Variants in LRFN5 observed in about 807,000 individuals in gnomAD.
LRFN5 encodes the protein leucine-rich repeat and fibronectin type-III domain-containing protein 5.
LRFN5 carries 24 observed loss-of-function variants against 45.6 expected under a neutral mutation model. The ratio of observed to expected loss-of-function variants is 0.53; its 90% confidence interval spans 0.38 to 0.74. The LOEUF is 0.74. Ranked by LOEUF, LRFN5 falls within the 30% of genes least tolerant of loss-of-function variation. The pLI is 0.00. For synonymous variants in LRFN5, 340 were observed against 313.8 expected (o/e 1.08, Z -0.88); for missense variants, 776 against 861.5 (o/e 0.90, Z 1.24).
chr14:41,620,858 G>A (rs1313727150), intron 1 of LRFN5, among the ~76,000 whole-genome samples: 5 of 151,646 alleles, frequency 3.3e-5, no homozygotes, highest in Non-Finnish European at 7.4e-5. Flanking sequence ...AACAAAGGAA[G>A]CAGATTCAAG....
rs80019381 is a variant in LRFN5, at chr14:41,769,716, G to A, written c.-21+2687G>A. On this transcript the variant is annotated intron_variant, in intron 2 of 5. Transcript: ENST00000298119. The stretch of plus-strand genomic sequence containing the variant: ...AAATCAACTCCCTTATATTTAAAGT[G>A]TGTAAATTATCACCTTTTATGACAT... 3.0e-3 allele frequency among the ~76,000 whole-genome samples: 451 copies of A among 152,186 alleles called. 3 individuals carry two copies. Among genetic ancestry groups the A allele is most frequent in the African/African-American group, 0.01 (429 of 41,522 alleles).
At chr14:41,885,339 A>G (rs1249402324) in intron 2 of LRFN5, among the ~76,000 whole-genome samples, 1 of 149,654 alleles carries the variant, frequency 6.7e-6, no homozygotes, top group Admixed American at 6.7e-5. Context: ...AAAAAAAAAA[A>G]GAAAGAAAGA....
At chr14:41,875,619 A>G (rs2031271) in intron 2 of LRFN5, among the ~76,000 whole-genome samples, 3 of 152,198 alleles carry the variant, frequency 2.0e-5, no homozygotes, top group African/African-American at 7.2e-5. Context: ...TTAAAAGAAA[A>G]CTTAGCATTC....
intron 2 of LRFN5, among the ~76,000 whole-genome samples, chr14:41,827,473 T>TTTA (rs1246441297): frequency 6.6e-6 from 1 of 152,034 alleles, no homozygotes; most frequent in Non-Finnish European, 1.5e-5. Flanking sequence ...AGTATATATT[T>TTTA]TTATTTGCTA....
intron 1 of LRFN5, among the ~76,000 whole-genome samples, chr14:41,730,684 TTC>T (rs1434757329): frequency 6.6e-6 from 1 of 152,018 alleles, no homozygotes; most frequent in Non-Finnish European, 1.5e-5. Context: ...GTAATGATTT[TTC>T]TGTTTTAGAG....
intron 1 of LRFN5, among the ~76,000 whole-genome samples, chr14:41,664,912 C>G (rs1365254573): frequency 2.0e-5 from 3 of 151,944 alleles, no homozygotes; most frequent in African/African-American, 4.8e-5. Context: ...GTAATTCTAT[C>G]CACAGGATAA....
intron 4 of LRFN5, chr14:41,892,750 A>G: frequency 1.0e-6 from 1 of 985,254 alleles, no homozygotes; most frequent in Admixed American, 6.1e-5. Flanking sequence ...TCTATGATAC[A>G]CCTTTTTCAG....
intron 2 of LRFN5, among the ~76,000 whole-genome samples, chr14:41,875,607 A>G (rs60703033): frequency 0.015 from 2,307 of 152,310 alleles, 57 homozygotes; most frequent in African/African-American, 0.052. Flanking sequence ...GAATTTATAC[A>G]CTTAAAAGAA....
At chr14:41,626,445 C>G (rs572132148) in intron 1 of LRFN5, among the ~76,000 whole-genome samples, 2 of 152,078 alleles carry the variant, frequency 1.3e-5, no homozygotes, top group Admixed American at 6.6e-5. Context: ...GTGGGAAATA[C>G]CAAAAATACT....
intron 2 of LRFN5, among the ~76,000 whole-genome samples, chr14:41,839,693 A>G (rs1299010061): frequency 6.6e-6 from 1 of 152,076 alleles, no homozygotes; most frequent in Admixed American, 6.6e-5. Context: ...AGCTCAACTC[A>G]CCAAAGCTAT....
chr14:41,847,499 C>T (rs1004087436), intron 2 of LRFN5, among the ~76,000 whole-genome samples: 1 of 152,012 alleles, frequency 6.6e-6, no homozygotes. Context: ...CTCCTTAATA[C>T]TTCTCAAATT....
intron 1 of LRFN5, among the ~76,000 whole-genome samples, chr14:41,659,281 A>C (rs1594589112): frequency 6.6e-6 from 1 of 151,748 alleles, no homozygotes. Flanking sequence ...AACTCCCACT[A>C]ATGATTGAGA....
intron 2 of LRFN5, among the ~76,000 whole-genome samples, chr14:41,816,450 C>A (rs1887920788): frequency 6.6e-6 from 1 of 151,454 alleles, no homozygotes; most frequent in South Asian, 2.1e-4. Context: ...TTTAACATTT[C>A]TTTTATGGAA....
intron 1 of LRFN5, among the ~76,000 whole-genome samples, chr14:41,722,398 G>A (rs148613631): frequency 0.016 from 2,444 of 152,198 alleles, 32 homozygotes; most frequent in Non-Finnish European, 0.026. Context: ...TTACCGGAGA[G>A]CTAGTGTGAT....
At chr14:41,628,724 T>C (rs982917391) in intron 1 of LRFN5, among the ~76,000 whole-genome samples, 1 of 152,206 alleles carries the variant, frequency 6.6e-6, no homozygotes, top group Non-Finnish European at 1.5e-5. Flanking sequence ...ATTAAATGTA[T>C]TGAGCACCAA....
Position 41,839,732 on chromosome 14 carries a change from G to C in LRFN5, c.-20-46874G>C, listed in dbSNP as rs566202651. Among the ~76,000 whole-genome samples, 6 of 152,176 alleles carry C rather than the reference G, an allele frequency of 3.9e-5. No individual in the cohort carries two copies. The East Asian group carries it at 1.2e-3, about 29-fold the overall frequency. On this transcript the variant is annotated intron_variant, in intron 2 of 5. Coordinates refer to ENST00000298119, the MANE Select transcript of LRFN5 (RefSeq NM_152447.5). ...TGTGGAGGGACCTTGAAAATGATCAGCTTTCTCTTCCTGATCTAAATACCT... is the reference window on the plus strand; with the variant it reads ...TGTGGAGGGACCTTGAAAATGATCACCTTTCTCTTCCTGATCTAAATACCT...
intron 1 of LRFN5, among the ~76,000 whole-genome samples, chr14:41,726,696 T>A (rs1378852300): frequency 6.6e-6 from 1 of 152,174 alleles, no homozygotes; most frequent in Non-Finnish European, 1.5e-5. Context: ...TTTTCTCTGT[T>A]ACAGGTGGTT....
chr14:41,868,295 G>A (rs1310963611), intron 2 of LRFN5, among the ~76,000 whole-genome samples: 1 of 152,062 alleles, frequency 6.6e-6, no homozygotes, highest in East Asian at 1.9e-4. Context: ...CTAGTGGAAA[G>A]AATGAACAAT....
chr14:41,813,388 C>G (rs1887804686), intron 2 of LRFN5, among the ~76,000 whole-genome samples: 1 of 152,060 alleles, frequency 6.6e-6, no homozygotes, highest in Admixed American at 6.6e-5. Context: ...TGTTCCCCTC[C>G]CTGTGCCCAT....
Sources: gnomAD v4.1 joint callset for allele counts (sites outside exome capture counted in the v4.1 genomes callset) on GRCh38, gnomAD v4.1.1 for gene constraint, MANE v1.5 for transcripts, NCBI Gene and HGNC (gene_info 2026-07-23, HGNC 2026-07-21) for gene names.